Variants in RAB37 observed in about 807,000 individuals in gnomAD.
RAB37 encodes the protein RAB37, member RAS oncogene family, also known as ras-related protein Rab-37.
In RAB37, 29 loss-of-function variants were observed where a neutral mutation model predicts 33.1. That is an observed-to-expected ratio of 0.88 (90% CI 0.65 to 1.20). RAB37 has a LOEUF of 1.20. Among genes scored for constraint, RAB37 ranks in the 50% most tolerant of loss-of-function variants. The pLI, the probability that RAB37 is intolerant of heterozygous loss-of-function variation, is 0.00. For synonymous variants in RAB37, 128 were observed against 119.5 expected (o/e 1.07, Z -0.47); for missense variants, 299 against 301.1 (o/e 0.99, Z 0.05).
At chr17:74,741,932 G>A (rs1214342636) in intron 2 of RAB37, among the ~76,000 whole-genome samples, 2 of 152,222 alleles carry the variant, frequency 1.3e-5, no homozygotes, top group African/African-American at 4.8e-5. Flanking sequence ...GGAGACCGAA[G>A]TGGGAAAAGG....
At position 74,744,289 on chromosome 17, in the gene RAB37, C is replaced by T. The variant is rs545195886; in HGVS notation, c.367-19C>T. On this transcript the variant is annotated intron_variant, in intron 5 of 8. Coordinates refer to ENST00000392613, the MANE Select transcript of RAB37 (RefSeq NM_001006638.3). The surrounding 1 kb of genome is among the most constrained non-coding windows in gnomAD (Gnocchi z 4.2). ...AGCAGGAGGAAGAGAATGCCAGTCT[C>T]GCACGCCCTCTCCCACAGGCCTGGC... 1.2e-5 allele frequency: 19 copies of T among 1,609,612 alleles called. No homozygotes were observed. The highest frequency in any genetic ancestry group is 3.3e-5 in the South Asian group (3 of 90,666).
chr17:74,708,676 G>C (rs533207468), intron 1 of RAB37, among the ~76,000 whole-genome samples: 12 of 152,292 alleles, frequency 7.9e-5, no homozygotes, highest in African/African-American at 2.9e-4. Flanking sequence ...CAGCATTTTG[G>C]GAGGCCAAGG....
intron 1 of RAB37, chr17:74,704,840 T>A: frequency 6.3e-7 from 1 of 1,577,562 alleles, no homozygotes; most frequent in South Asian, 1.1e-5. Flanking sequence ...ATTCATGTGC[T>A]GTCACCTCCC....
intron 1 of RAB37, among the ~76,000 whole-genome samples, chr17:74,739,110 C>A (rs1490536333): frequency 6.6e-6 from 1 of 152,218 alleles, no homozygotes; most frequent in East Asian, 1.9e-4. Context: ...GCCAGTACCC[C>A]ATGCCCACAA....
chr17:74,704,967 T>A (rs2033390423), intron 1 of RAB37: 31 of 658,922 alleles, frequency 4.7e-5, no homozygotes, highest in Non-Finnish European at 5.2e-6. Flanking sequence ...CTTTTGTCCT[T>A]CAGCTTTCCA....
intron 1 of RAB37, among the ~76,000 whole-genome samples, chr17:74,688,552 C>CAAAAA (rs34832046): frequency 1.8e-5 from 2 of 113,180 alleles, no homozygotes; most frequent in African/African-American, 4.4e-5. Flanking sequence ...GACTGCACCT[C>CAAAAA]AAAAAAAAAA....
Position 74,744,846 on chromosome 17 carries a change from C to G in RAB37, c.433-27C>G, listed in dbSNP as rs1218126331. 1.9e-6 allele frequency: 3 copies of G among 1,614,124 alleles called. No homozygotes were observed. The highest frequency in any genetic ancestry group is 2.5e-6 in the Non-Finnish European group (3 of 1,179,962). On this transcript the variant is annotated intron_variant, in intron 6 of 8. Coordinates refer to ENST00000392613, the MANE Select transcript of RAB37 (RefSeq NM_001006638.3). This position sits in a 1 kb window ranked among gnomAD's most constrained non-coding sequence, Gnocchi z 4.2. Reference sequence around the variant, plus strand: ...CCCGCTGGGGCGGAGGCCTCCTTCCCCAGAGTGACCCATTTGGGCTTGACA... The same window carrying G: ...CCCGCTGGGGCGGAGGCCTCCTTCCGCAGAGTGACCCATTTGGGCTTGACA...
intron 1 of RAB37, among the ~76,000 whole-genome samples, chr17:74,693,553 G>T (rs2032208594): frequency 6.6e-6 from 1 of 152,170 alleles, no homozygotes; most frequent in Admixed American, 6.5e-5. Context: ...ATCATTGTGG[G>T]CTTGGTAACC....
chr17:74,695,640 G>A (rs1035622021), intron 1 of RAB37: 10 of 1,591,432 alleles, frequency 6.3e-6, no homozygotes, highest in South Asian at 5.6e-5. Context: ...ACATGAGCAG[G>A]AGAAAGCCCA....
chr17:74,707,209 G>A lies in RAB37; in HGVS notation c.73-22047G>A, dbSNP rs75059350. On this transcript the variant is annotated intron_variant, in intron 1 of 7. Transcript: ENST00000340415. ...AGAATGAAGCGACAACCTACAGAGT[G>A]AGAGAAAATATTTGCAAACCATAAA... is the stretch of plus-strand genomic sequence containing the variant. Among the ~76,000 whole-genome samples the A allele has an allele frequency of 2.3e-3, 356 of 152,256 alleles. 6 individuals are homozygous for A. The highest frequency in any genetic ancestry group is 0.013 in the Admixed American group (199 of 15,288).
At position 74,742,070 on chromosome 17, in the gene RAB37, G is replaced by C. The variant is rs1380076358; in HGVS notation, c.205-184G>C. Among the ~76,000 whole-genome samples the C allele has an allele frequency of 6.6e-6, 1 of 152,150 alleles. No homozygotes were observed. Among genetic ancestry groups the C allele is most frequent in the Non-Finnish European group, 1.5e-5 (1 of 68,028 alleles). The stretch of plus-strand genomic sequence containing the variant: ...GGCAGTTACAGTCCTCAGAAGGGAC[G>C]ACTCCACAGTGGAGGTGTCTGGGTA... On this transcript the variant is annotated intron_variant, in intron 2 of 8. Transcript: ENST00000392613. The surrounding 1 kb of genome is among the most constrained non-coding windows in gnomAD (Gnocchi z 4.0).
rs559079596 is a variant in RAB37 at position 74,711,533 on chromosome 17, C to T, written c.73-17723C>T. ...CAGTCCTGGACAAGTCACTTTCTTC[C>T]CCAAGACCTTTTCTCCAATCTGTCC... On this transcript the variant is annotated intron_variant, in intron 1 of 7. Transcript: ENST00000340415. Among the ~76,000 whole-genome samples the T allele has an allele frequency of 7.2e-5, 11 of 152,300 alleles. No individual in the cohort carries two copies. In the South Asian group the frequency reaches 2.1e-3, roughly 29 times the overall value.
At chr17:74,675,400 A>G (rs2143456870) in intron 1 of RAB37, among the ~76,000 whole-genome samples, 1 of 151,834 alleles carries the variant, frequency 6.6e-6, no homozygotes, top group South Asian at 2.1e-4. Context: ...ACACCACTGC[A>G]CTTCAGCCTG....
chr17:74,718,548 C>T (rs1281657873), intron 1 of RAB37, among the ~76,000 whole-genome samples: 2 of 152,064 alleles, frequency 1.3e-5, no homozygotes, highest in East Asian at 3.9e-4. Context: ...TTTTAAGCAC[C>T]TATTAATTGG....
rs1180259817 is a variant in RAB37, at chr17:74,695,390, C to T, written c.72+23732C>T. On this transcript the variant is annotated intron_variant, in intron 1 of 7. Coordinates refer to the RAB37 transcript ENST00000340415. ...ACTCAAGCCCTCCAGCTTCCCCCTT[C>T]ACTCTGCCAAGCACCCTGAGCTTCA... is the stretch of plus-strand genomic sequence containing the variant. 1.1e-5 allele frequency: 11 copies of T among 1,041,130 alleles called. No homozygotes were observed. In the East Asian group the frequency reaches 2.8e-4, roughly 27 times the overall value. 64.5% of individuals were successfully genotyped at this position (1,041,130 alleles called of 1,614,324 possible).
At chr17:74,741,781 C>T (rs796834754) in intron 2 of RAB37, among the ~76,000 whole-genome samples, 5 of 152,262 alleles carry the variant, frequency 3.3e-5, no homozygotes, top group South Asian at 2.1e-4. Context: ...AGGCAGAAAG[C>T]GAACACTTCC....
chr17:74,709,599 G>A (rs777434993), intron 1 of RAB37, among the ~76,000 whole-genome samples: 7 of 151,782 alleles, frequency 4.6e-5, no homozygotes, highest in Non-Finnish European at 1.0e-4. Flanking sequence ...TTGCTTGGTC[G>A]CCTGTCACCC....
At position 74,742,292 on chromosome 17, in the gene RAB37, G is replaced by A; in HGVS notation, c.243G>A (p.Leu81=). 6.2e-7 allele frequency: 1 copy of A among 1,612,826 alleles called. No individual in the cohort carries two copies. Among genetic ancestry groups the A allele is most frequent in the South Asian group, 1.1e-5 (1 of 90,886 alleles). The change falls in exon 3 of 9, where the codon CTG becomes CTA. Residue 81 remains leucine (L), a synonymous_variant. Transcript: ENST00000392613. This position sits in a 1 kb window ranked among gnomAD's most constrained non-coding sequence, Gnocchi z 4.0. ...CTGTGGATGGCGTGAGAGTGAAGCT[G>A]CAGGTGAGACCAGAGGCTGGAGTTG... ...VVTVDGVRVK[L]QIWDTAGQER... is the part of the protein sequence containing the mutation.
chr17:74,712,968 T>G, intron 1 of RAB37: 2 of 1,204,728 alleles, frequency 1.7e-6, no homozygotes, highest in Non-Finnish European at 2.4e-6. Flanking sequence ...GCCCTTGAAC[T>G]TCCTCCTTCA....
Sources: allele counts gnomAD v4.1 joint callset (sites outside exome capture counted in the v4.1 genomes callset), GRCh38; gene constraint gnomAD v4.1.1; non-coding constraint Gnocchi (gnomAD v3.1); transcripts MANE v1.5; gene names NCBI Gene and HGNC (gene_info 2026-07-23, HGNC 2026-07-21).